Variants in GLIS3 observed in about 807,000 individuals in gnomAD.
The protein encoded by GLIS3 is GLIS family zinc finger 3, also known as zinc finger protein GLIS3.
A neutral mutation model predicts 78.6 loss-of-function variants in GLIS3; 53 were observed. That is an observed-to-expected ratio of 0.67 (90% CI 0.54 to 0.85). The LOEUF is 0.85. Ranked by LOEUF, GLIS3 falls within the 40% of genes least tolerant of loss-of-function variation. The pLI is 0.00. For missense variants in GLIS3, 1,703 were observed against 1,231.1 expected (o/e 1.38, Z -5.74); for synonymous variants, 684 against 509.9 (o/e 1.34, Z -4.60).
chr9:4,488,443 C>A, the GLIS3 span, among the ~76,000 whole-genome samples: 1 of 152,094 alleles, frequency 6.6e-6, no homozygotes, highest in African/African-American at 2.4e-5. Context: ...ATTTACCATT[C>A]CATTTATGTT....
the GLIS3 span, among the ~76,000 whole-genome samples, chr9:4,375,080 T>G: frequency 6.6e-6 from 1 of 152,236 alleles, no homozygotes; most frequent in Admixed American, 6.5e-5. Flanking sequence ...TGCTTGATCT[T>G]AAATGCAAAT....
intron 2 of GLIS3, among the ~76,000 whole-genome samples, chr9:4,333,678 C>T (rs1227838226): frequency 1.3e-5 from 2 of 152,106 alleles, no homozygotes; most frequent in East Asian, 1.9e-4. Flanking sequence ...ATGCTATTAG[C>T]TTCCAATGGG....
chr9:4,090,840 C>G (rs1335114158), intron 4 of GLIS3, among the ~76,000 whole-genome samples: 1 of 152,202 alleles, frequency 6.6e-6, no homozygotes. Context: ...TGCTGGTATG[C>G]TGGAGTCACT....
intron 2 of GLIS3, among the ~76,000 whole-genome samples, chr9:4,240,954 AGTGT>A (rs3063675): frequency 0.42 from 63,129 of 151,686 alleles, 13,282 homozygotes; most frequent in Middle Eastern, 0.48. Context: ...AATATGTATG[AGTGT>A]GTGTGTGTGT....
chr9:3,991,713 C>T (rs1177011867), intron 4 of GLIS3, among the ~76,000 whole-genome samples: 41 of 84,222 alleles, frequency 4.9e-4, no homozygotes, highest in South Asian at 3.7e-3. Context: ...TTTTTTGAGA[C>T]GGAGTCTCAC....
the GLIS3 span, among the ~76,000 whole-genome samples, chr9:4,460,090 C>T: frequency 4.0e-5 from 6 of 151,806 alleles, no homozygotes; most frequent in African/African-American, 1.2e-4. Context: ...TGGTTCAGGT[C>T]AGGTACCCAT....
the GLIS3 span, among the ~76,000 whole-genome samples, chr9:4,359,273 G>C: frequency 6.6e-6 from 1 of 151,816 alleles, no homozygotes; most frequent in Non-Finnish European, 1.5e-5. Flanking sequence ...CATTGCTTGA[G>C]TGGCTGGAAC....
At chr9:4,234,383 T>C (rs2131374689) in intron 2 of GLIS3, among the ~76,000 whole-genome samples, 1 of 152,288 alleles carries the variant, frequency 6.6e-6, no homozygotes, top group African/African-American at 2.4e-5. Context: ...ACTGCTGTGT[T>C]TTAAGGAATA....
intron 2 of GLIS3, among the ~76,000 whole-genome samples, chr9:4,146,748 A>G (rs1000700586): frequency 6.6e-6 from 1 of 152,178 alleles, no homozygotes; most frequent in Non-Finnish European, 1.5e-5. Context: ...TAAATATGCA[A>G]TTTATGTCTT....
the GLIS3 span, among the ~76,000 whole-genome samples, chr9:4,400,318 G>C: frequency 6.6e-6 from 1 of 152,160 alleles, no homozygotes; most frequent in African/African-American, 2.4e-5. Context: ...ACCTGAACTG[G>C]GATAAAAGCA....
intron 2 of GLIS3, among the ~76,000 whole-genome samples, chr9:4,152,846 G>T (rs1328513131): frequency 6.6e-6 from 1 of 152,172 alleles, no homozygotes; most frequent in Non-Finnish European, 1.5e-5. Flanking sequence ...AAAACTACCT[G>T]TTTCTGAAGA....
At chr9:3,905,117 C>T (rs1008675055) in intron 6 of GLIS3, among the ~76,000 whole-genome samples, 7 of 150,584 alleles carry the variant, frequency 4.6e-5, no homozygotes, top group African/African-American at 1.5e-4. Context: ...GGACTATAGG[C>T]GCCTGCCGCC....
chr9:3,895,893 C>T (rs528033712), intron 7 of GLIS3, among the ~76,000 whole-genome samples: 193 of 152,292 alleles, frequency 1.3e-3, no homozygotes, highest in Admixed American at 2.7e-3. Context: ...ACATACTCAA[C>T]GGGTTTCCAT....
intron 2 of GLIS3, among the ~76,000 whole-genome samples, chr9:4,188,172 T>C (rs1817985434): frequency 6.6e-6 from 1 of 151,522 alleles, no homozygotes; most frequent in Non-Finnish European, 1.5e-5. Context: ...ATACATCCCA[T>C]CAATACCTAA....
chr9:4,330,370 C>T (rs73641431), intron 2 of GLIS3, among the ~76,000 whole-genome samples: 13,904 of 152,320 alleles, frequency 0.091, 1,078 homozygotes, highest in East Asian at 0.21. Flanking sequence ...CGAGTTGGCA[C>T]TGCTAAAACC....
intron 2 of GLIS3, among the ~76,000 whole-genome samples, chr9:4,329,981 T>A (rs1345236522): frequency 6.6e-6 from 1 of 152,200 alleles, no homozygotes; most frequent in East Asian, 1.9e-4. Flanking sequence ...CTTTGTGTTT[T>A]TCTTCTCTAT....
chr9:4,031,983 G>A (rs557747636), intron 4 of GLIS3, among the ~76,000 whole-genome samples: 1 of 152,204 alleles, frequency 6.6e-6, no homozygotes, highest in Non-Finnish European at 1.5e-5. Context: ...ACAGATAGGA[G>A]GTTAAGTTGA....
intron 2 of GLIS3, among the ~76,000 whole-genome samples, chr9:4,283,621 G>A (rs551460352): frequency 9.9e-5 from 15 of 152,278 alleles, no homozygotes; most frequent in Non-Finnish European, 1.8e-4. Flanking sequence ...AACTCCTTGA[G>A]GGAAAGGACT....
chr9:3,896,686 TAGAG>T (rs1369024886), intron 7 of GLIS3, among the ~76,000 whole-genome samples: 2 of 27,654 alleles, frequency 7.2e-5, no homozygotes, highest in South Asian at 1.8e-3. Flanking sequence ...AAAAAAGAAG[TAGAG>T]AGGGTAAACT....
Sources: gnomAD v4.1 joint callset for allele counts (sites outside exome capture counted in the v4.1 genomes callset) on GRCh38, gnomAD v4.1.1 for gene constraint, MANE v1.5 for transcripts, NCBI Gene and HGNC (gene_info 2026-07-23, HGNC 2026-07-21) for gene names.